DLG2: variants seen among roughly 807,000 people sequenced by gnomAD.
DLG2 encodes disks large homolog 2.
DLG2 carries 45 observed loss-of-function variants against 132.5 expected under a neutral mutation model. The ratio of observed to expected loss-of-function variants is 0.34; its 90% CI spans 0.27 to 0.44. The LOEUF (loss-of-function observed/expected upper bound fraction) is 0.44. DLG2 is among the 20% of genes least tolerant of loss of function. The pLI, the probability that DLG2 is intolerant of heterozygous loss-of-function variation, is 1.00. For synonymous variants in DLG2, 424 were observed against 419.6 expected (o/e 1.01, Z -0.13); for missense variants, 1,045 against 1,196.9 (o/e 0.87, Z 1.87).
intron 6 of DLG2, among the ~76,000 whole-genome samples, chr11:84,734,508 A>C (rs1365753460): frequency 6.6e-6 from 1 of 152,180 alleles, no homozygotes; most frequent in Non-Finnish European, 1.5e-5. Context: ...ACTTTGCTGA[A>C]GTTGCTTATC....
intron 5 of DLG2, among the ~76,000 whole-genome samples, chr11:85,150,061 C>A (rs1047174583): frequency 7.1e-6 from 1 of 140,440 alleles, no homozygotes; most frequent in South Asian, 2.3e-4. Context: ...ACTCAGTCGC[C>A]CAGGCTGGAG....
chr11:85,286,795 A>C (rs1370873936), intron 3 of DLG2, among the ~76,000 whole-genome samples: 1 of 152,104 alleles, frequency 6.6e-6, no homozygotes, highest in Non-Finnish European at 1.5e-5. Context: ...CTATTTTCCA[A>C]TAAAAGAAGC....
intron 8 of DLG2, among the ~76,000 whole-genome samples, chr11:84,247,255 G>T (rs1411737827): frequency 6.6e-6 from 1 of 152,096 alleles, no homozygotes; most frequent in Non-Finnish European, 1.5e-5. Context: ...GGAGAGGAGA[G>T]CGCAATGTCA....
At chr11:84,428,501 A>C (rs1042104390) in intron 7 of DLG2, among the ~76,000 whole-genome samples, 1 of 152,220 alleles carries the variant, frequency 6.6e-6, no homozygotes, top group African/African-American at 2.4e-5. Flanking sequence ...TCAAGGTTCT[A>C]TCAGGGTATG....
chr11:85,113,010 G>T (rs891443584), intron 5 of DLG2, among the ~76,000 whole-genome samples: 1 of 151,900 alleles, frequency 6.6e-6, no homozygotes, highest in Non-Finnish European at 1.5e-5. Context: ...AACTTTATTT[G>T]GTTGATCTAT....
chr11:83,793,766 C>T lies in DLG2; in HGVS notation c.1723-6974G>A, dbSNP rs373279080. Among the ~76,000 whole-genome samples the T allele has an allele frequency of 3.3e-5, 5 of 152,152 alleles. No individual in the cohort carries two copies. In the East Asian group the frequency reaches 9.6e-4, roughly 29 times the overall value. On this transcript the variant is annotated intron_variant, in intron 17 of 27. Coordinates refer to ENST00000376104, the MANE Select transcript of DLG2 (RefSeq NM_001142699.3). ...GCTGTTGCAGGTATAAACAGGCATT[C>T]AGCAAATAGTATCTATTATTATTGT...
chr11:85,603,790 G>A (rs57431471), intron 2 of DLG2, among the ~76,000 whole-genome samples: 7,325 of 152,004 alleles, frequency 0.048, 205 homozygotes, highest in East Asian at 0.093. Context: ...GGTGGTGCAC[G>A]TCTGCACTCC....
intron 4 of DLG2, among the ~76,000 whole-genome samples, chr11:85,185,107 T>G (rs377156475): frequency 6.6e-6 from 1 of 151,972 alleles, no homozygotes; most frequent in African/African-American, 2.4e-5. Flanking sequence ...TGATTTTATA[T>G]TGTGAGCATT....
At chr11:85,054,736 A>T (rs1214711636) in intron 6 of DLG2, among the ~76,000 whole-genome samples, 2 of 152,202 alleles carry the variant, frequency 1.3e-5, no homozygotes, top group East Asian at 3.8e-4. Flanking sequence ...GCTAGAGACC[A>T]TTATCCTAAG....
intron 3 of DLG2, among the ~76,000 whole-genome samples, chr11:85,467,197 A>G (rs2092820175): frequency 6.6e-6 from 1 of 152,214 alleles, no homozygotes; most frequent in Non-Finnish European, 1.5e-5. Context: ...TATCAGCTTA[A>G]GGAGATTTTG....
intron 2 of DLG2, among the ~76,000 whole-genome samples, chr11:85,624,847 T>C (rs2081951321): frequency 6.6e-6 from 1 of 151,860 alleles, no homozygotes; most frequent in Non-Finnish European, 1.5e-5. Flanking sequence ...AGTCAATTCA[T>C]TATTGAAGAA....
chr11:85,316,522 G>A (rs535357583), intron 3 of DLG2, among the ~76,000 whole-genome samples: 2 of 152,010 alleles, frequency 1.3e-5, no homozygotes, highest in African/African-American at 2.4e-5. Flanking sequence ...AGGAAAGAAG[G>A]GGAATAAATG....
intron 7 of DLG2, among the ~76,000 whole-genome samples, chr11:84,468,117 T>G (rs1045747104): frequency 6.6e-6 from 1 of 151,604 alleles, no homozygotes; most frequent in African/African-American, 2.4e-5. Context: ...CAATACCTGA[T>G]GGTGAGCAGA....
intron 19 of DLG2, among the ~76,000 whole-genome samples, chr11:83,577,559 A>AATATATATATATATATATATATAT (rs1167372199): frequency 5.1e-5 from 4 of 78,428 alleles, no homozygotes; most frequent in Non-Finnish European, 7.1e-5. Context: ...GAATTAATAG[A>AATATATATATATATATATATATAT]ATATATATAT....
intron 3 of DLG2, among the ~76,000 whole-genome samples, chr11:85,548,264 G>A (rs902975306): frequency 2.0e-5 from 3 of 152,146 alleles, no homozygotes; most frequent in African/African-American, 7.2e-5. Flanking sequence ...AAGTCTGCTG[G>A]AGTTTCCTGA....
At chr11:84,906,777 C>A (rs937299544) in intron 6 of DLG2, among the ~76,000 whole-genome samples, 1 of 152,054 alleles carries the variant, frequency 6.6e-6, no homozygotes, top group South Asian at 2.1e-4. Flanking sequence ...TATCCATATT[C>A]AAATTATCTC....
At chr11:84,703,719 T>G (rs2059437204) in intron 6 of DLG2, among the ~76,000 whole-genome samples, 1 of 151,150 alleles carries the variant, frequency 6.6e-6, no homozygotes, top group African/African-American at 2.4e-5. Context: ...ATCTTCAATT[T>G]TGAAGATATT....
At chr11:84,833,009 G>T (rs1222906820) in intron 6 of DLG2, among the ~76,000 whole-genome samples, 1 of 151,430 alleles carries the variant, frequency 6.6e-6, no homozygotes, top group Non-Finnish European at 1.5e-5. Context: ...TGCTTATTTG[G>T]TATGTTGGAC....
intron 11 of DLG2, among the ~76,000 whole-genome samples, chr11:83,990,681 T>C (rs745565761): frequency 6.6e-6 from 1 of 152,180 alleles, no homozygotes; most frequent in African/African-American, 2.4e-5. Flanking sequence ...CATGATGTCT[T>C]ATAATCATTC....
Sources: gnomAD v4.1 joint callset for allele counts (sites outside exome capture counted in the v4.1 genomes callset) on GRCh38, gnomAD v4.1.1 for gene constraint, MANE v1.5 for transcripts, NCBI Gene and HGNC (gene_info 2026-07-23, HGNC 2026-07-21) for gene names.